Variants in TMTC1 observed in about 807,000 individuals in gnomAD.
TMTC1 encodes the protein transmembrane O-mannosyltransferase targeting cadherins 1.
TMTC1 carries 73 observed loss-of-function variants against 104.8 expected under a neutral mutation model. The ratio of observed to expected loss-of-function variants is 0.70; its 90% CI spans 0.58 to 0.85. The LOEUF (loss-of-function observed/expected upper bound fraction) is 0.85. Ranked by LOEUF, TMTC1 falls within the 40% of genes least tolerant of loss-of-function variation. The probability of loss-of-function intolerance (pLI) is 0.00; values close to 1 mark genes in which losing one functional copy is unlikely to be tolerated. For missense variants in TMTC1, 1,035 were observed against 1,096.1 expected, an observed-to-expected ratio of 0.94 and a Z score of 0.79; for synonymous variants, 434 against 428.7, an observed-to-expected ratio of 1.01 and a Z score of -0.15.
intron 5 of TMTC1, among the ~76,000 whole-genome samples, chr12:29,649,862 T>G (rs2136593441): frequency 6.6e-6 from 1 of 152,272 alleles, no homozygotes; most frequent in East Asian, 1.9e-4. Context: ...CTTAACGTTT[T>G]CTAAGGATGC....
chr12:29,567,301 T>C lies in TMTC1; in HGVS notation c.1532+4804A>G, dbSNP rs977575202. ...TTTAAAATGAAAAAGTGGTCTAAGATAGCCAGAAAAAGTGAAACTTTTCTG... is the reference window on the plus strand; with the variant it reads ...TTTAAAATGAAAAAGTGGTCTAAGACAGCCAGAAAAAGTGAAACTTTTCTG... On this transcript the variant is annotated intron_variant, in intron 9 of 17. Transcript: ENST00000539277. Among the ~76,000 whole-genome samples, 2 of 152,206 alleles carry C rather than the reference T, an allele frequency of 1.3e-5. 1 individual carries two copies. Among genetic ancestry groups the C allele is most frequent in the Non-Finnish European group, 2.9e-5 (2 of 68,032 alleles).
intron 2 of TMTC1, among the ~76,000 whole-genome samples, chr12:29,764,941 A>G (rs1490775165): frequency 2.6e-5 from 4 of 152,058 alleles, no homozygotes; most frequent in African/African-American, 9.7e-5. Context: ...TCTCTCTGAT[A>G]CCTCTGAATT....
chr12:29,617,246 G>A (rs1181119423), intron 6 of TMTC1, among the ~76,000 whole-genome samples: 1 of 151,992 alleles, frequency 6.6e-6, no homozygotes, highest in African/African-American at 2.4e-5. Context: ...GCAGGCAGAT[G>A]ACGAAGGGAA....
intron 2 of TMTC1, among the ~76,000 whole-genome samples, chr12:29,764,388 G>A (rs1369652038): frequency 6.6e-6 from 1 of 152,134 alleles, no homozygotes; most frequent in Non-Finnish European, 1.5e-5. Flanking sequence ...TTCCATTAAT[G>A]TCATAGCTAC....
At chr12:29,710,632 A>C (rs1272305706) in intron 5 of TMTC1, among the ~76,000 whole-genome samples, 1 of 141,586 alleles carries the variant, frequency 7.1e-6, no homozygotes, top group Non-Finnish European at 1.5e-5. Context: ...TTATATTTTT[A>C]TATTTATGTT....
intron 6 of TMTC1, among the ~76,000 whole-genome samples, chr12:29,611,366 T>C (rs1946842408): frequency 6.6e-6 from 1 of 152,198 alleles, no homozygotes; most frequent in African/African-American, 2.4e-5. Context: ...AATAAACTAA[T>C]TTCTAACTTT....
At chr12:29,645,519 T>C (rs1220804256) in intron 5 of TMTC1, among the ~76,000 whole-genome samples, 5 of 152,218 alleles carry the variant, frequency 3.3e-5, no homozygotes, top group Non-Finnish European at 4.4e-5. Flanking sequence ...ATCTTATTAA[T>C]AGAGAGCTTC....
At chr12:29,698,835 G>C (rs1396483987) in intron 5 of TMTC1, among the ~76,000 whole-genome samples, 1 of 152,158 alleles carries the variant, frequency 6.6e-6, no homozygotes. Context: ...TATTGTCAAA[G>C]TCAAGGGAGA....
intron 5 of TMTC1, among the ~76,000 whole-genome samples, chr12:29,687,734 T>G (rs1941139722): frequency 6.6e-6 from 1 of 152,224 alleles, no homozygotes; most frequent in African/African-American, 2.4e-5. Context: ...GAGGGAGCAG[T>G]AGGGTTGGTG....
At chr12:29,561,535 C>T (rs753016237) in intron 9 of TMTC1, among the ~76,000 whole-genome samples, 1 of 152,148 alleles carries the variant, frequency 6.6e-6, no homozygotes, top group Non-Finnish European at 1.5e-5. Flanking sequence ...ATTAACAACA[C>T]CCAGTAAGTG....
At chr12:29,552,226 G>A (rs1234661504) in intron 10 of TMTC1, among the ~76,000 whole-genome samples, 2 of 151,914 alleles carry the variant, frequency 1.3e-5, no homozygotes, top group Non-Finnish European at 2.9e-5. Context: ...GCTGTCCTGA[G>A]ATGTGCTGTA....
chr12:29,644,097 A>C (rs1485510679), intron 5 of TMTC1, among the ~76,000 whole-genome samples: 1 of 79,230 alleles, frequency 1.3e-5, no homozygotes, highest in East Asian at 3.1e-4. Context: ...ATAAATATAA[A>C]TATATAAATA....
At chr12:29,604,435 G>A (rs557917910) in intron 6 of TMTC1, 136 bp from the exon 7 acceptor site, 33 of 1,215,040 alleles carry the variant, frequency 2.7e-5, no homozygotes, top group African/African-American at 1.5e-4. Context: ...TTTGACCGGC[G>A]TGCTGAATTT....
At chr12:29,536,442 T>C in intron 10 of TMTC1, 125 bp from the exon 11 acceptor site, 3 of 662,632 alleles carry the variant, frequency 4.5e-6, no homozygotes, top group South Asian at 1.8e-5. Context: ...CTGGATTTAT[T>C]GCAAATGAAT....
At chr12:29,752,452 C>T (rs1191285055) in intron 4 of TMTC1, among the ~76,000 whole-genome samples, 1 of 152,166 alleles carries the variant, frequency 6.6e-6, no homozygotes, top group Non-Finnish European at 1.5e-5. Flanking sequence ...AGCAATGTCT[C>T]GGGATGTAAT....
chr12:29,778,409 A>G (rs1457032874), intron 1 of TMTC1, among the ~76,000 whole-genome samples: 1 of 152,192 alleles, frequency 6.6e-6, no homozygotes, highest in African/African-American at 2.4e-5. Flanking sequence ...TTTATTTTAA[A>G]CCATTCTGGA....
At chr12:29,680,570 T>C (rs61309041) in intron 5 of TMTC1, among the ~76,000 whole-genome samples, 16,136 of 152,248 alleles carry the variant, frequency 0.11, 1,126 homozygotes, top group Admixed American at 0.18. Context: ...CAGTCAATAT[T>C]GCCTATGGTA....
chr12:29,666,207 TTC>T (rs1940271479), intron 5 of TMTC1: 1 of 428,562 alleles, frequency 2.3e-6, no homozygotes. Flanking sequence ...CCCTTTTCTT[TTC>T]TTTCTTTTTT....
chr12:29,724,126 G>A (rs1205861704), intron 5 of TMTC1, among the ~76,000 whole-genome samples: 1 of 152,104 alleles, frequency 6.6e-6, no homozygotes, highest in Non-Finnish European at 1.5e-5. Context: ...AAAATCCCAA[G>A]TGGCCAATAA....
Sources: gnomAD v4.1 joint callset for allele counts (sites outside exome capture counted in the v4.1 genomes callset) on GRCh38, gnomAD v4.1.1 for gene constraint, MANE v1.5 for transcripts, NCBI Gene and HGNC (gene_info 2026-07-23, HGNC 2026-07-21) for gene names.